HPCAL1: variants seen among roughly 807,000 people sequenced by gnomAD.
HPCAL1 encodes the protein hippocalcin like 1.
HPCAL1 carries 8 observed loss-of-function variants against 17.1 expected under a neutral mutation model. The observed-to-expected ratio is 0.47, with a 90% CI of 0.27 to 0.84. The LOEUF (loss-of-function observed/expected upper bound fraction) is 0.84, where lower values mean the gene tolerates loss of function less well. Among genes scored for constraint, HPCAL1 ranks in the 40% least tolerant of loss-of-function variants. The pLI is 0.13. For missense variants in HPCAL1, 165 were observed against 271.1 expected, an observed-to-expected ratio of 0.61 and a Z score of 2.75; for synonymous variants, 112 against 111.4, an observed-to-expected ratio of 1.01 and a Z score of -0.03.
intron 1 of HPCAL1, among the ~76,000 whole-genome samples, chr2:10,349,109 A>G (rs574051061): frequency 1.4e-4 from 21 of 152,304 alleles, no homozygotes; most frequent in South Asian, 1.0e-3. Flanking sequence ...GCTGCAGTTA[A>G]CAATGCTGGC....
At chr2:10,414,959 G>T (rs1401740455) in intron 2 of HPCAL1, among the ~76,000 whole-genome samples, 2 of 152,244 alleles carry the variant, frequency 1.3e-5, no homozygotes, top group African/African-American at 4.8e-5. Context: ...CTGGCTGCAA[G>T]AACGCCACAG....
At chr2:10,399,087 G>A (rs1280000278) in intron 2 of HPCAL1, among the ~76,000 whole-genome samples, 8 of 151,894 alleles carry the variant, frequency 5.3e-5, no homozygotes, top group East Asian at 3.9e-4. Context: ...GCTGATACCC[G>A]TGTCAAGAAG....
At chr2:10,372,788 A>G (rs963986359) in intron 1 of HPCAL1, among the ~76,000 whole-genome samples, 35 of 152,182 alleles carry the variant, frequency 2.3e-4, no homozygotes, top group African/African-American at 8.4e-4. Flanking sequence ...CCCTGCCCCA[A>G]GGACAGGATC....
intron 3 of HPCAL1, among the ~76,000 whole-genome samples, chr2:10,420,667 C>T (rs1304010600): frequency 6.6e-6 from 1 of 152,208 alleles, no homozygotes; most frequent in Non-Finnish European, 1.5e-5. Context: ...GGGTGGAGCA[C>T]TTTGATCCGT....
intron 1 of HPCAL1, among the ~76,000 whole-genome samples, chr2:10,382,002 C>T (rs919279050): frequency 1.3e-5 from 2 of 152,210 alleles, no homozygotes; most frequent in Admixed American, 6.5e-5. Context: ...CACGATTATT[C>T]ATAACAGCTG....
intron 1 of HPCAL1, among the ~76,000 whole-genome samples, chr2:10,388,656 A>G (rs1558508848): frequency 6.6e-6 from 1 of 152,116 alleles, no homozygotes; most frequent in Non-Finnish European, 1.5e-5. Flanking sequence ...AAGTTTTCCT[A>G]CAACAATTGT....
chr2:10,418,851 A>G (rs1277543182), intron 2 of HPCAL1, among the ~76,000 whole-genome samples: 1 of 152,120 alleles, frequency 6.6e-6, no homozygotes, highest in Non-Finnish European at 1.5e-5. Flanking sequence ...CATTCAGAAC[A>G]TCATTTACTG....
In HPCAL1 at chr2:10,420,114, C is replaced by T. The variant is rs774009509; in HGVS notation, c.357C>T (p.Ser119=). 4.3e-6 allele frequency: 7 copies of T among 1,611,216 alleles called. No homozygotes were observed. Among genetic ancestry groups the T allele is most frequent in the Middle Eastern group, 1.7e-4 (1 of 6,050 alleles). Residue 119 remains serine (S), a synonymous_variant, in exon 3 of 5, where the codon AGC becomes AGT. Transcript: ENST00000307845. ...DLDGNGYISR[S]EMLEIVQAIY... is the part of the protein sequence containing the mutation. ...ACGGCAACGGCTACATCAGCCGCAG[C>T]GAGATGCTGGAGATCGTGCAGGTAC...
chr2:10,398,486 G>A (rs1465598202), intron 2 of HPCAL1, among the ~76,000 whole-genome samples: 1 of 152,326 alleles, frequency 6.6e-6, no homozygotes, highest in African/African-American at 2.4e-5. Context: ...TCATGATGGG[G>A]TTCTGGGCTG....
In HPCAL1 at chr2:10,359,176, A is replaced by G. The variant is rs1051498229; in HGVS notation, c.-110-37659A>G. ...GGGAAAAGGGAACCTTTCCCGTTTC[A>G]CAGCCACAGTTTCCTGCTGTTTTCT... On this transcript the variant is annotated intron_variant, in intron 1 of 4. Coordinates refer to ENST00000307845, the MANE Select transcript of HPCAL1 (RefSeq NM_002149.4). The surrounding 1 kb of genome is among the most constrained non-coding windows in gnomAD (Gnocchi z 4.1). Among the ~76,000 whole-genome samples the G allele has an allele frequency of 6.6e-6, 1 of 152,104 alleles. No homozygotes were observed. Among genetic ancestry groups the G allele is most frequent in the East Asian group, 1.9e-4 (1 of 5,192 alleles).
rs1663309681 is a variant in HPCAL1 at position 10,316,286 on chromosome 2, A to G, written c.-111+13109A>G. 1.3e-5 allele frequency among the ~76,000 whole-genome samples: 2 copies of G among 152,138 alleles called. 1 individual carries two copies. The highest frequency in any genetic ancestry group is 4.1e-4 in the South Asian group (2 of 4,832). ...TAATCTCCTTACTGTTTGTCATTCT[A>G]ATATGTTTCAGCTCCCTTTTTGAAA... On this transcript the variant is annotated intron_variant, in intron 1 of 4. Transcript: ENST00000307845.
intron 1 of HPCAL1, among the ~76,000 whole-genome samples, chr2:10,392,756 C>T (rs1372939672): frequency 3.3e-5 from 5 of 152,216 alleles, no homozygotes; most frequent in African/African-American, 1.2e-4. Context: ...TGATTCCAGA[C>T]AGTCCAGCCA....
intron 1 of HPCAL1, among the ~76,000 whole-genome samples, chr2:10,372,459 AG>A (rs139315769): frequency 1.1e-3 from 171 of 152,232 alleles, no homozygotes; most frequent in Admixed American, 2.2e-3. Context: ...TGGATTGAGG[AG>A]GCAGACAGGC....
At chr2:10,373,815 C>A (rs1667378941) in intron 1 of HPCAL1, among the ~76,000 whole-genome samples, 1 of 152,164 alleles carries the variant, frequency 6.6e-6, no homozygotes, top group South Asian at 2.1e-4. Flanking sequence ...AGCCCCCACA[C>A]TGGGACCTGT....
At position 10,419,669 on chromosome 2, in the gene HPCAL1, G is replaced by T. The variant is rs1670909327; in HGVS notation, c.-24-65G>T. ...AGCGATGGGCTTATTTGGTCTCTCC[G>T]GCACATGGCTCAGCCCTGCTCCGTG... On this transcript the variant is annotated intron_variant, in intron 2 of 4. Transcript: ENST00000307845. The surrounding 1 kb of genome is among the most constrained non-coding windows in gnomAD (Gnocchi z 5.0). The T allele has an allele frequency of 1.3e-6, 2 of 1,491,582 alleles. No individual in the cohort carries two copies. The highest frequency in any genetic ancestry group is 1.3e-5 in the South Asian group (1 of 75,846). 92.4% of individuals were successfully genotyped at this position (1,491,582 alleles called of 1,614,324 possible). A position where few individuals can be genotyped will look rare whatever the true frequency, so the allele number is the denominator to read the frequency against.
chr2:10,322,410 C>A (rs575652806), intron 1 of HPCAL1, among the ~76,000 whole-genome samples: 1 of 152,172 alleles, frequency 6.6e-6, no homozygotes, highest in South Asian at 2.1e-4. Flanking sequence ...AGAAGCCACA[C>A]GAAAACCCCA....
At chr2:10,399,280 T>TCACCATCATCACCGCCAC (rs1669317227) in intron 2 of HPCAL1, among the ~76,000 whole-genome samples, 1 of 7,394 alleles carries the variant, frequency 1.4e-4, no homozygotes, top group African/African-American at 5.9e-4. Context: ...ACCACCACCA[T>TCACCATCATCACCGCCAC]CACCACCACC....
intron 3 of HPCAL1, among the ~76,000 whole-genome samples, chr2:10,422,388 T>C (rs1481875551): frequency 5.3e-5 from 8 of 152,146 alleles, no homozygotes. Flanking sequence ...GTCTCCTCTG[T>C]ACACCCACCA....
intron 2 of HPCAL1, among the ~76,000 whole-genome samples, chr2:10,409,995 G>C (rs968643637): frequency 2.0e-5 from 3 of 151,926 alleles, no homozygotes; most frequent in African/African-American, 7.3e-5. Context: ...TCACCATGTT[G>C]CTCAGGCTGG....
Sources: allele counts gnomAD v4.1 joint callset (sites outside exome capture counted in the v4.1 genomes callset), GRCh38; gene constraint gnomAD v4.1.1; non-coding constraint Gnocchi (gnomAD v3.1); transcripts MANE v1.5; gene names NCBI Gene and HGNC (gene_info 2026-07-23, HGNC 2026-07-21).